GPAT3: variants seen among roughly 807,000 people sequenced by gnomAD.
The protein encoded by GPAT3 is glycerol-3-phosphate acyltransferase 3, also known as 1-AGP acyltransferase 9.
In GPAT3, 53 loss-of-function variants were observed where a neutral mutation model predicts 58.8. The observed-to-expected ratio is 0.90, with a 90% CI of 0.72 to 1.13. GPAT3 has a LOEUF of 1.13. Among genes scored for constraint, GPAT3 ranks in the 50% most tolerant of loss-of-function variants. GPAT3 has a pLI of 0.00. For synonymous variants in GPAT3, 197 were observed against 187.4 expected (o/e 1.05, Z -0.42); for missense variants, 511 against 527.6 (o/e 0.97, Z 0.31).
rs397970732 is a variant in GPAT3 at position 83,556,571 on chromosome 4, T to TTC, written c.208+11969_208+11970insTC. ...TGTTATTCTCAACGCTATTTTTTTT[T>TTC]CAGTGCTAACTGACAATTGATTAGT... On this transcript the variant is annotated intron_variant, in intron 2 of 11. Coordinates refer to ENST00000264409, the MANE Select transcript of GPAT3 (RefSeq NM_032717.5). 2.6e-5 allele frequency among the ~76,000 whole-genome samples: 4 copies of TTC among 152,042 alleles called. No individual in the cohort carries two copies. In the East Asian group the frequency reaches 7.7e-4, roughly 29 times the overall value.
At chr4:83,554,801 CTTTT>C (rs34785812) in intron 2 of GPAT3, among the ~76,000 whole-genome samples, 20 of 129,946 alleles carry the variant, frequency 1.5e-4, no homozygotes, top group Admixed American at 4.1e-4. Context: ...GAAGCTCCCT[CTTTT>C]TTTTTTTTTT....
rs879360212 is a variant in GPAT3 at position 83,577,270 on chromosome 4, A to AG, written c.209-4292_209-4291insG. On this transcript the variant is annotated intron_variant, in intron 2 of 11. Coordinates refer to ENST00000264409, the MANE Select transcript of GPAT3 (RefSeq NM_032717.5). ...GAGACTAAAATGACTTGACATGTAA[A>AG]TGTAAGGTGCAATCCTGGACCAGAA... 2.7e-3 allele frequency among the ~76,000 whole-genome samples: 408 copies of AG among 152,360 alleles called. 3 individuals carry two copies. The highest frequency in any genetic ancestry group is 5.0e-3 in the Non-Finnish European group (343 of 68,038).
At chr4:83,588,059 C>T in intron 4 of GPAT3, 151 bp from the exon 5 acceptor site, 1 of 601,364 alleles carries the variant, frequency 1.7e-6, no homozygotes. Context: ...GAGACTATAA[C>T]AATTGACTAT....
chr4:83,579,578 C>T (rs772196190), intron 2 of GPAT3, among the ~76,000 whole-genome samples: 4 of 151,860 alleles, frequency 2.6e-5, no homozygotes, highest in East Asian at 3.9e-4. Context: ...AGGCATAAGC[C>T]CCCATGCCAA....
chr4:83,592,751 A>T (rs1379999281), intron 6 of GPAT3, among the ~76,000 whole-genome samples: 4 of 152,178 alleles, frequency 2.6e-5, no homozygotes, highest in Non-Finnish European at 4.4e-5. Flanking sequence ...TGTTGGTAAG[A>T]TTGTGCCTCA....
intron 11 of GPAT3, 64 bp from the exon 12 acceptor site, chr4:83,604,604 T>C: frequency 3.1e-6 from 4 of 1,309,070 alleles, no homozygotes. Context: ...ATGTAATTAT[T>C]AAGTTAACTC....
Position 83,582,687 on chromosome 4 carries a change from GC to G in GPAT3, c.479+857del, listed in dbSNP as rs140299022. On this transcript the variant is annotated intron_variant, in intron 3 of 11. Coordinates refer to ENST00000264409, the MANE Select transcript of GPAT3 (RefSeq NM_032717.5). Reference sequence around the variant, plus strand: ...AAATCTTTTTACCACCCCCAGGGTGGCCTATGCTTGCCTCATTCAGATTTAT... The same window carrying G: ...AAATCTTTTTACCACCCCCAGGGTGGCTATGCTTGCCTCATTCAGATTTAT... Among the ~76,000 whole-genome samples, 755 of 152,268 alleles carry G rather than the reference GC, an allele frequency of 5.0e-3. 4 individuals carry two copies. Among genetic ancestry groups the G allele is most frequent in the African/African-American group, 0.017 (686 of 41,558 alleles).
chr4:83,596,318 C>T (rs1260729640), intron 7 of GPAT3, among the ~76,000 whole-genome samples: 2 of 152,116 alleles, frequency 1.3e-5, no homozygotes, highest in Non-Finnish European at 2.9e-5. Context: ...TAGGCGAAGA[C>T]ACTGAAAATC....
chr4:83,581,917 T>TGTG (rs1726151266), intron 3 of GPAT3, 85 bp downstream of exon 3: 1 of 1,508,568 alleles, frequency 6.6e-7, no homozygotes, highest in African/African-American at 1.4e-5. Flanking sequence ...GTAAGTGTTC[T>TGTG]GTGGTGCTTA....
intron 2 of GPAT3, among the ~76,000 whole-genome samples, chr4:83,546,808 G>C (rs1288091360): frequency 6.6e-6 from 1 of 152,136 alleles, no homozygotes; most frequent in East Asian, 1.9e-4. Flanking sequence ...TCTAATTTCG[G>C]CTCTGATATG....
chr4:83,549,481 A>G (rs1724669210), intron 2 of GPAT3, among the ~76,000 whole-genome samples: 1 of 144,772 alleles, frequency 6.9e-6, no homozygotes, highest in African/African-American at 2.5e-5. Context: ...GTATATATAT[A>G]TGAAATATTA....
rs7673457 is a variant in GPAT3, at chr4:83,559,678, G to A, written c.208+15076G>A. Among the ~76,000 whole-genome samples, 469 of 152,254 alleles carry A rather than the reference G, an allele frequency of 3.1e-3. 2 individuals are homozygous for A. Among genetic ancestry groups the A allele is most frequent in the African/African-American group, 9.8e-3 (409 of 41,556 alleles). On this transcript the variant is annotated intron_variant, in intron 2 of 11. Transcript: ENST00000264409. The stretch of plus-strand genomic sequence containing the variant: ...AATCTGCCAGCAAGTAGCAACAATC[G>A]TTCCATTCTCCTTTGCCTTTTCTTC...
At chr4:83,597,820 T>C (rs1726902207) in intron 9 of GPAT3, among the ~76,000 whole-genome samples, 1 of 152,214 alleles carries the variant, frequency 6.6e-6, no homozygotes, top group Admixed American at 6.5e-5. Context: ...AATAGTCATG[T>C]AAATAACTCT....
At chr4:83,587,571 C>T (rs1187512302) in intron 4 of GPAT3, among the ~76,000 whole-genome samples, 1 of 152,126 alleles carries the variant, frequency 6.6e-6, no homozygotes, top group African/African-American at 2.4e-5. Context: ...GGATTACAGT[C>T]ACCCACCACC....
intron 2 of GPAT3, among the ~76,000 whole-genome samples, chr4:83,568,797 G>A (rs1414935819): frequency 6.6e-6 from 1 of 151,966 alleles, no homozygotes; most frequent in African/African-American, 2.4e-5. Context: ...GAGCCACCAC[G>A]CCCGGCCTGT....
intron 1 of GPAT3, among the ~76,000 whole-genome samples, chr4:83,538,632 G>A (rs755173869): frequency 2.6e-5 from 4 of 152,158 alleles, no homozygotes; most frequent in South Asian, 2.1e-4. Context: ...GTAACTCAAG[G>A]TCAGCTAAGG....
At chr4:83,587,152 TG>T in intron 3 of GPAT3, 102 bp from the exon 4 acceptor site, 1 of 848,278 alleles carries the variant, frequency 1.2e-6, no homozygotes, top group Non-Finnish European at 1.9e-6. Context: ...TTTCATCATG[TG>T]GATACTCTAC....
chr4:83,576,930 G>A (rs1455469775), intron 2 of GPAT3, among the ~76,000 whole-genome samples: 1 of 152,066 alleles, frequency 6.6e-6, no homozygotes, highest in Non-Finnish European at 1.5e-5. Flanking sequence ...TACATAATAA[G>A]TACTTACTTA....
In GPAT3 at chr4:83,544,614, T is replaced by A; in HGVS notation, c.208+12T>A. The A allele has an allele frequency of 6.2e-7, 1 of 1,613,348 alleles. No individual in the cohort carries two copies. Among genetic ancestry groups the A allele is most frequent in the Non-Finnish European group, 8.5e-7 (1 of 1,179,444 alleles). Reference sequence around the variant, plus strand: ...CTCTGCTTCTGTTGGTGAGTTTTCCTTTTCATTATGATTGTTACCATATTT... The same window carrying A: ...CTCTGCTTCTGTTGGTGAGTTTTCCATTTCATTATGATTGTTACCATATTT... On this transcript the variant is annotated intron_variant, in intron 2 of 11. Transcript: ENST00000264409.
Sources: gnomAD v4.1 joint callset for allele counts (sites outside exome capture counted in the v4.1 genomes callset) on GRCh38, gnomAD v4.1.1 for gene constraint, MANE v1.5 for transcripts, NCBI Gene and HGNC (gene_info 2026-07-23, HGNC 2026-07-21) for gene names.